Variants in HLA-DQB2 observed in about 807,000 individuals in gnomAD.
The protein encoded by HLA-DQB2 is major histocompatibility complex, class II, DQ beta 2, also known as HLA class II histocompatibility antigen, DQ beta 2 chain.
Under a neutral mutation model 29.2 loss-of-function variants are expected in HLA-DQB2, and 24 were observed. That is an observed-to-expected ratio of 0.82 (90% confidence interval 0.60 to 1.16). The LOEUF (loss-of-function observed/expected upper bound fraction) is 1.16. Ranked by LOEUF, HLA-DQB2 falls within the 50% of genes most tolerant of loss-of-function variation. The probability of loss-of-function intolerance (pLI) is 0.00; values close to 1 mark genes in which losing one functional copy is unlikely to be tolerated. For missense variants in HLA-DQB2, 273 were observed against 343.6 expected (o/e 0.79, Z 1.62); for synonymous variants, 104 against 133.1 (o/e 0.78, Z 1.51).
In HLA-DQB2 at chr6:32,763,035, C is replaced by A. The variant is rs2113962879; in HGVS notation, c.97+339G>T. Among the ~76,000 whole-genome samples, 2 of 149,318 alleles carry A rather than the reference C, an allele frequency of 1.3e-5. 1 individual carries two copies. On this transcript the variant is annotated intron_variant, in intron 1 of 5. Coordinates refer to ENST00000437316, the MANE Select transcript of HLA-DQB2 (RefSeq NM_001300790.2). Reference sequence around the variant, plus strand: ...TTACATTTTCCCAGTGCAGAAAAATCCTACTGTGTCTTTGGGGAAATGCAT... The same window carrying A: ...TTACATTTTCCCAGTGCAGAAAAATACTACTGTGTCTTTGGGGAAATGCAT...
intron 1 of HLA-DQB2, among the ~76,000 whole-genome samples, chr6:32,762,474 T>G (rs1764938265): frequency 6.6e-6 from 1 of 152,202 alleles, no homozygotes. Context: ...CCCGCCCAAG[T>G]GCCCTGTGAG....
At chr6:32,757,258 C>G (rs772927042) in intron 5 of HLA-DQB2, 23 bp downstream of exon 5, 59 of 1,550,370 alleles carry the variant, frequency 3.8e-5, no homozygotes, top group Non-Finnish European at 4.1e-5. Context: ...TCTCCCCTGA[C>G]TGGATCATGG....
rs3656 is a variant in HLA-DQB2, at chr6:32,756,266, G to A, written c.*187C>T. 73,380 of 634,870 alleles carry A rather than the reference G, an allele frequency of 0.12. 5,342 individuals carry two copies. The highest frequency in any genetic ancestry group is 0.14 in the Middle Eastern group (383 of 2,656). 39.3% of individuals were successfully genotyped at this position (634,870 alleles called of 1,614,324 possible). On this transcript the variant is annotated 3_prime_UTR_variant, in exon 6 of 6. Transcript: ENST00000437316. ...GCACAGGCAGAGGCTCTGGGTCAGT[G>A]CAGGAAGCAGAGTCACCACCAGTGC... is the stretch of plus-strand genomic sequence containing the variant.
chr6:32,760,260 T>C (rs1313605497), intron 2 of HLA-DQB2, among the ~76,000 whole-genome samples: 3 of 151,268 alleles, frequency 2.0e-5, no homozygotes, highest in African/African-American at 7.3e-5. Flanking sequence ...TTTTGTCCCA[T>C]TAACAGTGAA....
In HLA-DQB2 at chr6:32,761,865, G is replaced by C. The variant is rs762815; in HGVS notation, c.159C>G (p.Arg53=). Residue 53 remains arginine, a synonymous_variant, in exon 2 of 6, where the codon CGC becomes CGG. Coordinates refer to ENST00000437316, the MANE Select transcript of HLA-DQB2 (RefSeq NM_001300790.2). The part of the protein sequence containing the change: ...CYFTNGTERV[R]GVARYIYNRE... ...GGTTATAGATGTATCTGGCCACACC[G>C]CGCACGCGCTCTGTCCCGTTGGTGA... 953,287 of 1,600,170 alleles carry C rather than the reference G, an allele frequency of 0.6. 287,434 individuals are homozygous for C. The highest frequency in any genetic ancestry group is 0.85 in the East Asian group (37,768 of 44,588).
chr6:32,756,984 A>G, intron 5 of HLA-DQB2: 1 of 1,281,222 alleles, frequency 7.8e-7, no homozygotes, highest in Non-Finnish European at 9.9e-7. Context: ...CAGGCCATGA[A>G]CAGAGACCAC....
In HLA-DQB2 at chr6:32,760,399, G is replaced by C. The variant is rs896457768; in HGVS notation, c.364+1261C>G. Among the ~76,000 whole-genome samples, 9 of 152,300 alleles carry C rather than the reference G, an allele frequency of 5.9e-5. 1 individual carries two copies. The highest frequency in any genetic ancestry group is 5.9e-4 in the Admixed American group (9 of 15,304). On this transcript the variant is annotated intron_variant, in intron 2 of 5. Coordinates refer to ENST00000437316, the MANE Select transcript of HLA-DQB2 (RefSeq NM_001300790.2). ...TGCTGTGTATTTGGGGGAGGCTTCA[G>C]GTCCTGGTGCATAACTGTGGGTTGA...
chr6:32,761,983 C>A (rs1329717947), intron 1 of HLA-DQB2, 57 bp from the exon 2 acceptor site: 3 of 1,564,204 alleles, frequency 1.9e-6, no homozygotes, highest in South Asian at 1.2e-5. Context: ...CCCCAGCCCC[C>A]AGCCGGACCG....
chr6:32,756,581 T>A, intron 5 of HLA-DQB2, 115 bp from the exon 6 acceptor site: 1 of 1,494,478 alleles, frequency 6.7e-7, no homozygotes. Flanking sequence ...GTCCAGGGCA[T>A]ATCATCATCA....
At position 32,763,481 on chromosome 6, in the gene HLA-DQB2, G is replaced by A. The variant is rs1573649; in HGVS notation, c.-11C>T. 0.51 allele frequency: 781,150 copies of A among 1,537,556 alleles called. 201,708 individuals are homozygous for A. The highest frequency in any genetic ancestry group is 0.67 in the East Asian group (27,841 of 41,394). On this transcript the variant is annotated 5_prime_UTR_variant, in exon 1 of 6. It adds an upstream start codon to the 5' untranslated region. Transcript: ENST00000437316. ...GATCTGCAGAGCCATCTTCCAAGAC[G>A]TAAGTGAGACCAAGGAAAAAGCAGT...
rs1764833047 is a variant in HLA-DQB2, at chr6:32,761,678, T to C, written c.346A>G (p.Thr116Ala). 6.5e-7 allele frequency: 1 copy of C among 1,550,178 alleles called. No homozygotes were observed. Among genetic ancestry groups the C allele is most frequent in the African/African-American group, 1.4e-5 (1 of 73,060 alleles). ...CGCTCACCTTGCCGCTGCAAGGTCGTGCGCAGCTCCGCCTCGTAGTTGTGT... is the reference window on the plus strand; with the variant it reads ...CGCTCACCTTGCCGCTGCAAGGTCGCGCGCAGCTCCGCCTCGTAGTTGTGT... The part of the protein sequence containing the change: ...CRHNYEAELR[T>A]TLQRQVEPTV... The change falls in exon 2 of 6, where the codon ACG becomes GCG. Residue 116 changes from threonine (T) to alanine (A), a missense_variant. Thr to Ala is a moderately conservative substitution (Grantham distance 58). Coordinates refer to ENST00000437316, the MANE Select transcript of HLA-DQB2 (RefSeq NM_001300790.2).
rs763980322 is a variant in HLA-DQB2, at chr6:32,757,902, TGTGA to T, written c.647-23_647-20del. ...TGAGCCCCTAAGGAGCAGAACTGAG[TGTGA>T]GTGTTTGTCCCCACACCCCATAATG... On this transcript the variant is annotated intron_variant, in intron 3 of 5. Coordinates refer to ENST00000437316, the MANE Select transcript of HLA-DQB2 (RefSeq NM_001300790.2). 6.5e-7 allele frequency: 1 copy of T among 1,543,218 alleles called. No individual in the cohort carries two copies.
intron 1 of HLA-DQB2, 113 bp from the exon 2 acceptor site, chr6:32,762,039 G>A: frequency 7.1e-7 from 1 of 1,406,748 alleles, no homozygotes; most frequent in South Asian, 1.3e-5. Context: ...TGCGAAACCC[G>A]TCCACGCGAA....
chr6:32,761,975 C>G (rs747665563), intron 1 of HLA-DQB2, 49 bp from the exon 2 acceptor site: 1 of 1,563,428 alleles, frequency 6.4e-7, no homozygotes, highest in Non-Finnish European at 8.6e-7. Flanking sequence ...GGCCCTAGCC[C>G]CAGCCCCCAG....
intron 1 of HLA-DQB2, among the ~76,000 whole-genome samples, chr6:32,762,961 T>C (rs1203350487): frequency 6.6e-6 from 1 of 152,118 alleles, no homozygotes; most frequent in African/African-American, 2.4e-5. Context: ...GAGTCAGTAG[T>C]ATAGACTCCT....
chr6:32,763,262 G>A lies in HLA-DQB2; in HGVS notation c.97+112C>T, dbSNP rs1489548919. ...CTCTATTTCCCAAAAAGAATAAATG[G>A]TGATAAAAGACTGTGTTCTGAGATC... On this transcript the variant is annotated intron_variant, in intron 1 of 5. Transcript: ENST00000437316. The A allele has an allele frequency of 6.2e-6, 4 of 641,146 alleles. No homozygotes were observed. The Admixed American group carries it at 1.1e-4, about 18-fold the overall frequency. 39.7% of individuals were successfully genotyped at this position (641,146 alleles called of 1,614,324 possible).
chr6:32,757,052 C>T, intron 5 of HLA-DQB2: 1 of 1,390,468 alleles, frequency 7.2e-7, no homozygotes, highest in Non-Finnish European at 9.3e-7. Flanking sequence ...CAGACTCTAG[C>T]TCTATCGCCC....
intron 2 of HLA-DQB2, among the ~76,000 whole-genome samples, chr6:32,759,909 C>T (rs1764630862): frequency 6.6e-6 from 1 of 152,184 alleles, no homozygotes; most frequent in African/African-American, 2.4e-5. Context: ...ACTCATGAGC[C>T]ATTGTCTGGA....
At chr6:32,757,961 G>A (rs1321895554) in intron 3 of HLA-DQB2, 78 bp from the exon 4 acceptor site, 1 of 1,107,512 alleles carries the variant, frequency 9.0e-7, no homozygotes, top group East Asian at 3.0e-5. Flanking sequence ...AGATGTCAGG[G>A]GACACTAGTT....
Sources: allele counts gnomAD v4.1 joint callset (sites outside exome capture counted in the v4.1 genomes callset), GRCh38; gene constraint gnomAD v4.1.1; transcripts MANE v1.5; gene names NCBI Gene and HGNC (gene_info 2026-07-23, HGNC 2026-07-21).